The following SLC4A7 variants were observed in gnomAD, a reference collection of about 807,000 sequenced individuals.
SLC4A7 encodes the protein sodium bicarbonate cotransporter 3.
A neutral mutation model predicts 137.6 loss-of-function variants in SLC4A7; 51 were observed. That is an observed-to-expected ratio of 0.37 (90% CI 0.30 to 0.47). SLC4A7 has a LOEUF of 0.47. Ranked by LOEUF, SLC4A7 falls within the 20% of genes least tolerant of loss-of-function variation. The probability of loss-of-function intolerance (pLI) is 1.00; values close to 1 mark genes in which losing one functional copy is unlikely to be tolerated. For missense variants in SLC4A7, 1,247 were observed against 1,525.4 expected, an observed-to-expected ratio of 0.82 and a Z score of 3.04; for synonymous variants, 542 against 518.6, an observed-to-expected ratio of 1.05 and a Z score of -0.61.
chr3:27,401,164 G>A (rs2052707983), intron 15 of SLC4A7: 1 of 231,886 alleles, frequency 4.3e-6, no homozygotes, highest in Non-Finnish European at 8.4e-6. Flanking sequence ...TGTTTAGCAA[G>A]ATTAGTCTCC....
At chr3:27,473,439 C>T (rs950870753) in intron 1 of SLC4A7, among the ~76,000 whole-genome samples, 1 of 151,788 alleles carries the variant, frequency 6.6e-6, no homozygotes, top group African/African-American at 2.4e-5. Flanking sequence ...AGAAAGGCAG[C>T]TTGAGGCCAG....
At chr3:27,475,796 C>T (rs1222070284) in intron 1 of SLC4A7, among the ~76,000 whole-genome samples, 4 of 152,010 alleles carry the variant, frequency 2.6e-5, no homozygotes, top group Non-Finnish European at 5.9e-5. Flanking sequence ...ATGAACAAAA[C>T]AAAAATAAAG....
intron 9 of SLC4A7, 148 bp downstream of exon 9, chr3:27,421,474 T>A: frequency 1.4e-6 from 1 of 705,210 alleles, no homozygotes; most frequent in Non-Finnish European, 2.2e-6. Flanking sequence ...CCAGCCTGGA[T>A]GACAAAGTGA....
chr3:27,376,859 A>G lies in SLC4A7; in HGVS notation c.3699-14T>C. The G allele has an allele frequency of 7.4e-7, 1 of 1,350,172 alleles. No individual in the cohort carries two copies. The highest frequency in any genetic ancestry group is 1.5e-5 in the South Asian group (1 of 68,222). 83.6% of individuals were successfully genotyped at this position (1,350,172 alleles called of 1,614,324 possible). ...GGTTTATCAGGACTATTTAAAACAA[A>G]GAATTAAAATAAATAATTTTAAAAT... On this transcript the variant is annotated splice_polypyrimidine_tract_variant and intron_variant, in intron 25 of 25. Coordinates refer to ENST00000454389, the MANE Select transcript of SLC4A7 (RefSeq NM_001321103.2).
At chr3:27,404,777 A>G in intron 14 of SLC4A7, 53 bp downstream of exon 14, 1 of 1,387,440 alleles carries the variant, frequency 7.2e-7, no homozygotes, top group African/African-American at 1.5e-5. Context: ...TTCTAAGTTA[A>G]TAAACAATTT....
intron 1 of SLC4A7, among the ~76,000 whole-genome samples, chr3:27,469,747 C>G (rs2059158365): frequency 6.6e-6 from 1 of 151,876 alleles, no homozygotes; most frequent in African/African-American, 2.4e-5. Context: ...GAGCAAAACT[C>G]TGTCTCAAAA....
At chr3:27,477,904 C>T (rs1187791803) in intron 1 of SLC4A7, among the ~76,000 whole-genome samples, 2 of 152,180 alleles carry the variant, frequency 1.3e-5, no homozygotes, top group East Asian at 1.9e-4. Context: ...CATGAGCCAC[C>T]GCGCCCGGCT....
At chr3:27,418,434 A>T (rs1199732870) in intron 11 of SLC4A7, 52 bp downstream of exon 11, 2 of 1,500,058 alleles carry the variant, frequency 1.3e-6, no homozygotes, top group African/African-American at 1.4e-5. Flanking sequence ...CTAATCAAAA[A>T]AAATTTTATT....
At chr3:27,475,338 G>A (rs2059420178) in intron 1 of SLC4A7, among the ~76,000 whole-genome samples, 1 of 149,616 alleles carries the variant, frequency 6.7e-6, no homozygotes, top group South Asian at 2.1e-4. Context: ...ATCCTAAGAC[G>A]AGCCCTACGA....
At chr3:27,422,702 T>C (rs2055113895) in intron 8 of SLC4A7, 6 of 431,684 alleles carry the variant, frequency 1.4e-5, no homozygotes, top group Non-Finnish European at 2.4e-5. Flanking sequence ...TTATGTGAAC[T>C]TCATTTATAT....
intron 2 of SLC4A7, among the ~76,000 whole-genome samples, chr3:27,449,604 G>A (rs1349919828): frequency 6.6e-6 from 1 of 152,104 alleles, no homozygotes. Flanking sequence ...AGCTACTGCT[G>A]ATATTGCATT....
At chr3:27,475,641 T>C (rs1370040018) in intron 1 of SLC4A7, among the ~76,000 whole-genome samples, 2 of 152,192 alleles carry the variant, frequency 1.3e-5, no homozygotes, top group Admixed American at 6.6e-5. Flanking sequence ...ATGAATCCCT[T>C]ATTCCTAACA....
chr3:27,450,972 T>A (rs1018469169), intron 2 of SLC4A7, among the ~76,000 whole-genome samples: 1 of 151,998 alleles, frequency 6.6e-6, no homozygotes, highest in African/African-American at 2.4e-5. Context: ...AGGGTTGACA[T>A]TAAACATTAA....
chr3:27,483,178 G>C (rs2059786198), intron 1 of SLC4A7, among the ~76,000 whole-genome samples: 5 of 152,236 alleles, frequency 3.3e-5, no homozygotes, highest in Admixed American at 3.3e-4. Context: ...AGGAGAAAGA[G>C]ACAACTGCGG....
chr3:27,424,873 G>A (rs906271006), intron 7 of SLC4A7, among the ~76,000 whole-genome samples: 14 of 152,096 alleles, frequency 9.2e-5, no homozygotes, highest in African/African-American at 3.4e-4. Flanking sequence ...CTAAGAGTCA[G>A]ACAAACTCAT....
chr3:27,380,240 G>A (rs532348593), intron 24 of SLC4A7, among the ~76,000 whole-genome samples: 10 of 151,016 alleles, frequency 6.6e-5, no homozygotes, highest in African/African-American at 2.4e-4. Context: ...CCGGGGGGCA[G>A]AGGTTGTAGT....
At chr3:27,377,393 T>C (rs1023240961) in intron 25 of SLC4A7, among the ~76,000 whole-genome samples, 25 of 152,152 alleles carry the variant, frequency 1.6e-4, no homozygotes, top group Non-Finnish European at 3.2e-4. Flanking sequence ...ATTTGAAATA[T>C]ATATATGTTT....
chr3:27,479,836 C>A lies in SLC4A7; in HGVS notation c.60+4231G>T, dbSNP rs142948591. Among the ~76,000 whole-genome samples, 360 of 152,302 alleles carry A rather than the reference C, an allele frequency of 2.4e-3. 2 individuals are homozygous for A. The highest frequency in any genetic ancestry group is 8.4e-3 in the African/African-American group (350 of 41,570). On this transcript the variant is annotated intron_variant, in intron 1 of 25. Coordinates refer to ENST00000454389, the MANE Select transcript of SLC4A7 (RefSeq NM_001321103.2). ...AATCAAAAGCTATACTGATCTGTAA[C>A]TAATCTTTAACATTAACCCTATGGA...
At chr3:27,387,145 C>T (rs560869773) in intron 22 of SLC4A7, among the ~76,000 whole-genome samples, 5 of 152,256 alleles carry the variant, frequency 3.3e-5, no homozygotes, top group Admixed American at 2.6e-4. Flanking sequence ...TAAAACAGTA[C>T]AGTATCAGCA....
Sources: gnomAD v4.1 joint callset for allele counts (sites outside exome capture counted in the v4.1 genomes callset) on GRCh38, gnomAD v4.1.1 for gene constraint, MANE v1.5 for transcripts, NCBI Gene and HGNC (gene_info 2026-07-23, HGNC 2026-07-21) for gene names.